The following RASA1 variants were observed in gnomAD, a reference collection of about 807,000 sequenced individuals.
RASA1 encodes ras GTPase-activating protein 1.
In RASA1, 25 loss-of-function variants were observed where a neutral mutation model predicts 132.2. The observed-to-expected ratio is 0.19, with a 90% CI of 0.14 to 0.26. The LOEUF (loss-of-function observed/expected upper bound fraction) is 0.26, where lower values mean the gene tolerates loss of function less well. Among genes scored for constraint, RASA1 ranks in the 10% least tolerant of loss-of-function variants. The pLI, the probability that RASA1 is intolerant of heterozygous loss-of-function variation, is 1.00. For missense variants in RASA1, 964 were observed against 1,299.2 expected, an observed-to-expected ratio of 0.74 and a Z score of 3.97; for synonymous variants, 477 against 449.9, an observed-to-expected ratio of 1.06 and a Z score of -0.76.
intron 2 of RASA1, among the ~76,000 whole-genome samples, chr5:87,332,022 G>A (rs1167876482): frequency 1.3e-5 from 2 of 151,968 alleles, no homozygotes; most frequent in Admixed American, 1.3e-4. Context: ...ATCATCTAAT[G>A]CATATAGTGT....
intron 1 of RASA1, among the ~76,000 whole-genome samples, chr5:87,302,463 AG>A (rs755556843): frequency 2.0e-5 from 3 of 150,166 alleles, no homozygotes; most frequent in Non-Finnish European, 4.5e-5. Flanking sequence ...TCTTTTGATG[AG>A]TATATATCTT....
intron 21 of RASA1, 27 bp from the exon 22 acceptor site, chr5:87,385,274 C>T (rs1303555768): frequency 2.1e-6 from 3 of 1,456,382 alleles, no homozygotes; most frequent in African/African-American, 2.8e-5. Context: ...GACTTGGTGT[C>T]ATTAGCTGTG....
At chr5:87,368,368 A>G (rs1262341201) in intron 11 of RASA1, among the ~76,000 whole-genome samples, 2 of 152,118 alleles carry the variant, frequency 1.3e-5, no homozygotes, top group African/African-American at 4.8e-5. Flanking sequence ...CATTTTAATT[A>G]TAATTACTTG....
At chr5:87,301,713 T>A (rs1271733894) in intron 1 of RASA1, among the ~76,000 whole-genome samples, 3 of 152,206 alleles carry the variant, frequency 2.0e-5, no homozygotes, top group Non-Finnish European at 2.9e-5. Context: ...GATATTCCAA[T>A]GAGCATTTCC....
chr5:87,389,102 T>A (rs1011768360), intron 23 of RASA1, among the ~76,000 whole-genome samples: 20 of 152,136 alleles, frequency 1.3e-4, no homozygotes, highest in Admixed American at 1.2e-3. Flanking sequence ...AATTTGAGTA[T>A]TAAAAAAATT....
intron 9 of RASA1, among the ~76,000 whole-genome samples, chr5:87,354,269 G>T (rs1759490391): frequency 6.6e-6 from 1 of 151,900 alleles, no homozygotes; most frequent in Non-Finnish European, 1.5e-5. Context: ...TTCAAAGATA[G>T]TTTTTTTTAC....
In RASA1 at chr5:87,268,153, T is replaced by G. The variant is rs16876684; in HGVS notation, c.-299T>G. 9,612 of 437,668 alleles carry G rather than the reference T, an allele frequency of 0.022. 241 individuals are homozygous for G. Among genetic ancestry groups the G allele is most frequent in the African/African-American group, 0.074 (3,647 of 49,188 alleles). The allele number at this position is 437,668 out of a possible 1,614,324, so 27.1% of individuals were successfully genotyped here. A position where few individuals can be genotyped will look rare whatever the true frequency, so the allele number is the denominator to read the frequency against. The stretch of plus-strand genomic sequence containing the variant: ...CCTCTTTAGTGCAGCGAGGAAGTTT[T>G]CGCTTCTGTACATGTGTTTGTGTGC... On this transcript the variant is annotated 5_prime_UTR_variant, in exon 1 of 25. Coordinates refer to ENST00000274376, the MANE Select transcript of RASA1 (RefSeq NM_002890.3).
chr5:87,320,598 C>T (rs750639493), intron 1 of RASA1, among the ~76,000 whole-genome samples: 41 of 152,066 alleles, frequency 2.7e-4, no homozygotes, highest in Admixed American at 5.2e-4. Context: ...TCAGATCTTG[C>T]GGGAATTTAC....
intron 1 of RASA1, among the ~76,000 whole-genome samples, chr5:87,291,610 T>TG (rs1561260257): frequency 6.6e-6 from 1 of 152,162 alleles, no homozygotes; most frequent in Admixed American, 6.5e-5. Flanking sequence ...GTTTGGGTCA[T>TG]GGGGGAGGAT....
At chr5:87,370,258 A>G (rs1253805438) in intron 12 of RASA1, among the ~76,000 whole-genome samples, 1 of 152,164 alleles carries the variant, frequency 6.6e-6, no homozygotes, top group Non-Finnish European at 1.5e-5. Flanking sequence ...GCTAACAAGC[A>G]TTATTCTTCA....
At chr5:87,332,082 G>T (rs535916995) in intron 2 of RASA1, among the ~76,000 whole-genome samples, 97 of 152,054 alleles carry the variant, frequency 6.4e-4, no homozygotes, top group African/African-American at 2.3e-3. Flanking sequence ...TTAAAATAAG[G>T]TTCAGTAGTA....
chr5:87,345,258 A>C (rs1758772659), intron 6 of RASA1, among the ~76,000 whole-genome samples: 1 of 151,808 alleles, frequency 6.6e-6, no homozygotes, highest in African/African-American at 2.4e-5. Flanking sequence ...TGAAACGAAA[A>C]CTCTTTAGAA....
chr5:87,355,306 G>A (rs1759568797), intron 9 of RASA1, among the ~76,000 whole-genome samples: 1 of 152,150 alleles, frequency 6.6e-6, no homozygotes, highest in South Asian at 2.1e-4. Flanking sequence ...TAATGCAGCT[G>A]GTGACTTTAG....
At chr5:87,319,235 G>A (rs1756589365) in intron 1 of RASA1, among the ~76,000 whole-genome samples, 1 of 152,218 alleles carries the variant, frequency 6.6e-6, no homozygotes, top group Non-Finnish European at 1.5e-5. Flanking sequence ...GCTGTCAGTG[G>A]ATCTACCCTT....
intron 12 of RASA1, 145 bp downstream of exon 12, chr5:87,370,045 C>A: frequency 1.3e-6 from 1 of 778,520 alleles, no homozygotes; most frequent in Non-Finnish European, 2.1e-6. Context: ...AATGAGATTT[C>A]ATATGTAAAA....
intron 1 of RASA1, chr5:87,318,976 T>A (rs1041834058): frequency 1.3e-5 from 2 of 152,284 alleles, no homozygotes; most frequent in African/African-American, 4.8e-5. Flanking sequence ...CTGTTGCAAA[T>A]GGGAGAAATA....
chr5:87,336,361 A>G (rs151237195), intron 4 of RASA1, among the ~76,000 whole-genome samples: 22 of 152,172 alleles, frequency 1.4e-4, no homozygotes, highest in African/African-American at 5.1e-4. Context: ...AGGTCCTGGG[A>G]GACCAAAAAG....
rs565283672 is a variant in RASA1, at chr5:87,380,177, T to C, written c.2603+327T>C. On this transcript the variant is annotated intron_variant, in intron 19 of 24. Coordinates refer to ENST00000274376, the MANE Select transcript of RASA1 (RefSeq NM_002890.3). Reference sequence around the variant, plus strand: ...TGATAGACTAATCACTCTGTTAATATGCTTGTCGGCCTCCAGTATTAGTGA... The same window carrying C: ...TGATAGACTAATCACTCTGTTAATACGCTTGTCGGCCTCCAGTATTAGTGA... Among the ~76,000 whole-genome samples the C allele has an allele frequency of 7.9e-5, 12 of 152,302 alleles. No individual in the cohort carries two copies. The South Asian group carries it at 2.5e-3, about 32-fold the overall frequency.
At chr5:87,343,217 G>T (rs1758607900) in intron 6 of RASA1, among the ~76,000 whole-genome samples, 2 of 152,062 alleles carry the variant, frequency 1.3e-5, no homozygotes, top group Admixed American at 1.3e-4. Flanking sequence ...TACATGATAT[G>T]GGCACCAAGT....
Sources: allele counts gnomAD v4.1 joint callset (sites outside exome capture counted in the v4.1 genomes callset), GRCh38; gene constraint gnomAD v4.1.1; transcripts MANE v1.5; gene names NCBI Gene and HGNC (gene_info 2026-07-23, HGNC 2026-07-21).